Variants in CNTN3 observed in about 807,000 individuals in gnomAD.
CNTN3 encodes contactin 3.
CNTN3 carries 60 observed loss-of-function variants against 119.1 expected under a neutral mutation model. That is an observed-to-expected ratio of 0.50 (90% CI 0.41 to 0.62). The LOEUF (loss-of-function observed/expected upper bound fraction) is 0.62, where lower values mean the gene tolerates loss of function less well. Ranked by LOEUF, CNTN3 falls within the 20% of genes least tolerant of loss-of-function variation. The probability of loss-of-function intolerance (pLI) is 0.00; values close to 1 mark genes in which losing one functional copy is unlikely to be tolerated. For synonymous variants in CNTN3, 450 were observed against 438.7 expected (o/e 1.03, Z -0.32); for missense variants, 1,101 against 1,242.4 (o/e 0.89, Z 1.71).
intron 1 of CNTN3, among the ~76,000 whole-genome samples, chr3:74,523,968 A>G (rs1703579287): frequency 6.6e-6 from 1 of 151,916 alleles, no homozygotes; most frequent in Non-Finnish European, 1.5e-5. Context: ...TTTAAGAACA[A>G]TGAATGAGTC....
chr3:74,335,013 T>C (rs967933647), intron 12 of CNTN3, 103 bp from the exon 13 acceptor site: 1 of 727,412 alleles, frequency 1.4e-6, no homozygotes, highest in Middle Eastern at 2.7e-4. Context: ...TGTCTGTAGA[T>C]GCATATACAT....
intron 4 of CNTN3, among the ~76,000 whole-genome samples, chr3:74,452,068 C>A (rs1292387666): frequency 6.9e-6 from 1 of 145,300 alleles, no homozygotes; most frequent in African/African-American, 2.6e-5. Context: ...ATTGGTAGCT[C>A]GATGGGGATG....
chr3:74,564,077 G>A (rs1426102316), intron 1 of CNTN3, among the ~76,000 whole-genome samples: 6 of 152,236 alleles, frequency 3.9e-5, no homozygotes, highest in East Asian at 1.9e-4. Flanking sequence ...TAAAAAATGC[G>A]ATGAAATATT....
chr3:74,427,204 G>C (rs1019033181), intron 4 of CNTN3, among the ~76,000 whole-genome samples: 4 of 152,164 alleles, frequency 2.6e-5, no homozygotes, highest in African/African-American at 4.8e-5. Context: ...AGGAAGCAAA[G>C]AAAAATAACT....
chr3:74,371,610 G>A (rs1704340728), intron 5 of CNTN3, among the ~76,000 whole-genome samples: 1 of 152,028 alleles, frequency 6.6e-6, no homozygotes, highest in Non-Finnish European at 1.5e-5. Flanking sequence ...CCTGGTGGGA[G>A]CAATATTATT....
intron 1 of CNTN3, among the ~76,000 whole-genome samples, chr3:74,551,384 G>A (rs1703987609): frequency 6.6e-6 from 1 of 152,132 alleles, no homozygotes; most frequent in Admixed American, 6.5e-5. Context: ...AAGTTCTCCT[G>A]TCCCTCAACA....
At chr3:74,470,233 T>C (rs4677399) in intron 4 of CNTN3, among the ~76,000 whole-genome samples, 109,938 of 152,028 alleles carry the variant, frequency 0.72, 40,280 homozygotes, top group African/African-American at 0.84. Context: ...CTTTGGGGTA[T>C]GATAATAACT....
chr3:74,312,455 CAAA>C (rs745514119), intron 13 of CNTN3, among the ~76,000 whole-genome samples: 1 of 27,808 alleles, frequency 3.6e-5, no homozygotes, highest in African/African-American at 1.3e-4. Context: ...GACTCCATCT[CAAA>C]AAAAAAAAAA....
chr3:74,447,772 G>C (rs1229148982), intron 4 of CNTN3, among the ~76,000 whole-genome samples: 1 of 152,058 alleles, frequency 6.6e-6, no homozygotes, highest in Non-Finnish European at 1.5e-5. Flanking sequence ...AGTTCATAAG[G>C]GCCCGCTCTG....
chr3:74,336,933 G>A (rs1218322127), intron 11 of CNTN3, among the ~76,000 whole-genome samples: 1 of 152,064 alleles, frequency 6.6e-6, no homozygotes, highest in Non-Finnish European at 1.5e-5. Flanking sequence ...CACCAAAGTT[G>A]AGAGGATGCA....
intron 1 of CNTN3, among the ~76,000 whole-genome samples, chr3:74,607,673 G>A (rs922817455): frequency 1.3e-5 from 2 of 152,074 alleles, no homozygotes; most frequent in Admixed American, 6.6e-5. Context: ...TTCCATACAG[G>A]CATCTGCAAG....
chr3:74,505,165 A>G (rs1703235151), intron 2 of CNTN3, among the ~76,000 whole-genome samples: 2 of 151,924 alleles, frequency 1.3e-5, no homozygotes, highest in Non-Finnish European at 2.9e-5. Flanking sequence ...CATCTTAACT[A>G]ATGACATTAG....
chr3:74,575,644 G>A (rs920180056), intron 1 of CNTN3, among the ~76,000 whole-genome samples: 3 of 29,966 alleles, frequency 1.0e-4, no homozygotes, highest in Admixed American at 5.3e-4. Context: ...CACACACACA[G>A]TTCAAACTAC....
intron 22 of CNTN3, among the ~76,000 whole-genome samples, chr3:74,266,118 A>G (rs953859354): frequency 1.3e-5 from 2 of 152,104 alleles, no homozygotes; most frequent in African/African-American, 4.8e-5. Context: ...TTTATCTATA[A>G]TTTGTAGGAG....
At chr3:74,520,855 A>G (rs1703531595) in intron 2 of CNTN3, among the ~76,000 whole-genome samples, 1 of 151,612 alleles carries the variant, frequency 6.6e-6, no homozygotes, top group Non-Finnish European at 1.5e-5. Context: ...TTTGCTATGG[A>G]AATAAAAATG....
chr3:74,517,319 T>C (rs1703467511), intron 2 of CNTN3, among the ~76,000 whole-genome samples: 1 of 151,906 alleles, frequency 6.6e-6, no homozygotes, highest in Admixed American at 6.6e-5. Context: ...AGGTCTTAAG[T>C]GTGAGCTGAC....
rs1701601482 is a variant in CNTN3 at position 74,262,876 on chromosome 3, T to C, written c.*1525A>G. On this transcript the variant is annotated 3_prime_UTR_variant, in exon 23 of 23. Coordinates refer to ENST00000263665, the MANE Select transcript of CNTN3 (RefSeq NM_020872.3). ...TGAAATCTACTAGTCATTCAGATTG[T>C]TTCAATATATACAGTATATGCGGAC... 6.6e-6 allele frequency: 1 copy of C among 152,136 alleles called. No homozygotes were observed. Among genetic ancestry groups the C allele is most frequent in the Admixed American group, 6.6e-5 (1 of 15,264 alleles). The allele number at this position is 152,136 out of a possible 1,614,324, so 9.4% of individuals were successfully genotyped here.
chr3:74,353,782 A>G (rs1015175256), intron 11 of CNTN3, among the ~76,000 whole-genome samples: 1 of 152,110 alleles, frequency 6.6e-6, no homozygotes, highest in Non-Finnish European at 1.5e-5. Flanking sequence ...AATTAATTAA[A>G]TAAAATAAAA....
At chr3:74,488,037 A>C (rs1168335770) in intron 3 of CNTN3, among the ~76,000 whole-genome samples, 2 of 149,532 alleles carry the variant, frequency 1.3e-5, no homozygotes, top group Non-Finnish European at 3.0e-5. Context: ...ATAATTATAT[A>C]GTGTAATACA....
Sources: allele counts gnomAD v4.1 joint callset (sites outside exome capture counted in the v4.1 genomes callset), GRCh38; gene constraint gnomAD v4.1.1; transcripts MANE v1.5; gene names NCBI Gene and HGNC (gene_info 2026-07-23, HGNC 2026-07-21).